Variants in DAB1 observed in about 807,000 individuals in gnomAD.
DAB1 encodes the protein disabled homolog 1.
In DAB1, 15 loss-of-function variants were observed where a neutral mutation model predicts 64.6. That is an observed-to-expected ratio of 0.23 (90% CI 0.16 to 0.36). The LOEUF (loss-of-function observed/expected upper bound fraction) is 0.36, where lower values mean the gene tolerates loss of function less well. DAB1 is among the 10% of genes least tolerant of loss of function. DAB1 has a pLI of 1.00. For synonymous variants in DAB1, 235 were observed against 251.9 expected (o/e 0.93, Z 0.64); for missense variants, 596 against 706.7 (o/e 0.84, Z 1.78).
At chr1:57,839,176 T>C (rs1652942155) in intron 1 of DAB1, among the ~76,000 whole-genome samples, 1 of 152,102 alleles carries the variant, frequency 6.6e-6, no homozygotes, top group African/African-American at 2.4e-5. Context: ...CTAGAAACCT[T>C]AGGCCTAGAA....
intron 1 of DAB1, among the ~76,000 whole-genome samples, chr1:58,528,342 G>A (rs1557454521): frequency 6.6e-6 from 1 of 152,154 alleles, no homozygotes; most frequent in South Asian, 2.1e-4. Flanking sequence ...AAACCCAGTA[G>A]TATCATATGT....
At chr1:57,230,266 G>A (rs189386875) in intron 2 of DAB1, among the ~76,000 whole-genome samples, 5 of 148,042 alleles carry the variant, frequency 3.4e-5, no homozygotes, top group African/African-American at 7.4e-5. Context: ...CAACATTGGC[G>A]ATGTGCAAAA....
chr1:57,436,673 C>T (rs1441254152), intron 7 of DAB1, among the ~76,000 whole-genome samples: 1 of 152,204 alleles, frequency 6.6e-6, no homozygotes, highest in African/African-American at 2.4e-5. Flanking sequence ...AAGATGGATG[C>T]ACCCTCTACA....
At chr1:58,112,085 T>C (rs1331198766) in intron 5 of DAB1, among the ~76,000 whole-genome samples, 2 of 152,114 alleles carry the variant, frequency 1.3e-5, no homozygotes, top group Non-Finnish European at 2.9e-5. Flanking sequence ...CTGTCCAGCA[T>C]TCTCCACCCT....
chr1:57,695,269 G>A (rs11207094), intron 6 of DAB1, among the ~76,000 whole-genome samples: 2,538 of 70,620 alleles, frequency 0.036, 692 homozygotes, highest in African/African-American at 0.097. Context: ...AGGAAGGAAG[G>A]AAGGAAGGAA....
intron 3 of DAB1, among the ~76,000 whole-genome samples, chr1:58,490,795 C>CTTTTTTTTT (rs148145860): frequency 6.7e-5 from 4 of 59,272 alleles, no homozygotes; most frequent in South Asian, 9.7e-4. Context: ...AGTCAACATT[C>CTTTTTTTTT]TTTTTTTTTT....
intron 2 of DAB1, among the ~76,000 whole-genome samples, chr1:57,262,973 G>A (rs1310621795): frequency 6.6e-6 from 1 of 152,182 alleles, no homozygotes; most frequent in Non-Finnish European, 1.5e-5. Context: ...TAAGGGTGTG[G>A]TGGTATAAGG....
intron 5 of DAB1, among the ~76,000 whole-genome samples, chr1:57,965,305 G>C (rs1170082548): frequency 6.6e-6 from 1 of 152,072 alleles, no homozygotes; most frequent in Admixed American, 6.5e-5. Context: ...AATAGGATTG[G>C]GTGAATTGAA....
chr1:57,393,312 T>G (rs1682539185), intron 1 of DAB1, among the ~76,000 whole-genome samples: 1 of 152,192 alleles, frequency 6.6e-6, no homozygotes, highest in Non-Finnish European at 1.5e-5. Context: ...AAATAATTTT[T>G]GGTTTTTTCA....
chr1:57,367,940 C>A (rs999126101), intron 1 of DAB1, among the ~76,000 whole-genome samples: 1 of 152,192 alleles, frequency 6.6e-6, no homozygotes, highest in African/African-American at 2.4e-5. Flanking sequence ...CAGCTGCAGC[C>A]GCCCAAACCA....
intron 3 of DAB1, among the ~76,000 whole-genome samples, chr1:58,351,318 CAA>C (rs1644054017): frequency 6.6e-6 from 1 of 152,080 alleles, no homozygotes; most frequent in Non-Finnish European, 1.5e-5. Context: ...CCACTACTTT[CAA>C]AGAGTCAAAT....
rs1217773692 is a variant in DAB1 at position 58,460,798 on chromosome 1, C to A, written n.257+45262G>T. On this transcript the variant is annotated intron_variant and non_coding_transcript_variant, in intron 3 of 20. Transcript: ENST00000485760. ...CAATTTAGATATTTAAATTTAAAAT[C>A]TATGAAGGTTTACTAAGATGCAATT... Among the ~76,000 whole-genome samples the A allele has an allele frequency of 3.3e-5, 5 of 152,090 alleles. 1 individual carries two copies. The highest frequency in any genetic ancestry group is 4.1e-4 in the South Asian group (2 of 4,820).
chr1:57,749,431 A>G (rs1648448170), intron 6 of DAB1, among the ~76,000 whole-genome samples: 2 of 152,252 alleles, frequency 1.3e-5, no homozygotes, highest in Admixed American at 6.5e-5. Context: ...TTTTAAATTC[A>G]TGGTATTTCA....
At chr1:58,456,179 T>C (rs1305567015) in intron 3 of DAB1, among the ~76,000 whole-genome samples, 1 of 152,232 alleles carries the variant, frequency 6.6e-6, no homozygotes, top group African/African-American at 2.4e-5. Context: ...TAAGGGAAGG[T>C]CAAATGAGGG....
chr1:57,677,651 A>T (rs1169074975), intron 6 of DAB1, among the ~76,000 whole-genome samples: 1 of 152,196 alleles, frequency 6.6e-6, no homozygotes, highest in Non-Finnish European at 1.5e-5. Flanking sequence ...TAGCTGAGAT[A>T]CTCTGAACGA....
chr1:57,599,846 C>G (rs1380158534), intron 7 of DAB1, among the ~76,000 whole-genome samples: 1 of 152,164 alleles, frequency 6.6e-6, no homozygotes, highest in Admixed American at 6.5e-5. Context: ...GCTCAGATAG[C>G]TCCTCCTGAC....
chr1:57,911,518 T>G (rs1190258165), intron 5 of DAB1, among the ~76,000 whole-genome samples: 2 of 152,128 alleles, frequency 1.3e-5, no homozygotes, highest in East Asian at 3.9e-4. Context: ...GCCTCTTCCT[T>G]GATCCCAGGC....
rs570039464 is a variant in DAB1 at position 57,475,735 on chromosome 1, C to T, written n.625+173857G>A. ...CAGGCCTTTCACTGCTAGATGTTAC[C>T]GGCCAACGCCATCCTCTAAATACCT... On this transcript the variant is annotated intron_variant and non_coding_transcript_variant, in intron 7 of 20. Coordinates refer to the DAB1 transcript ENST00000485760. Among the ~76,000 whole-genome samples, 12 of 152,300 alleles carry T rather than the reference C, an allele frequency of 7.9e-5. No homozygotes were observed. The South Asian group carries it at 1.0e-3, about 13-fold the overall frequency.
intron 5 of DAB1, among the ~76,000 whole-genome samples, chr1:58,007,116 C>T (rs1236130562): frequency 6.6e-6 from 1 of 152,154 alleles, no homozygotes; most frequent in Non-Finnish European, 1.5e-5. Flanking sequence ...AATTCAAGCG[C>T]TTTCTTTTAT....
Sources: gnomAD v4.1 joint callset for allele counts (sites outside exome capture counted in the v4.1 genomes callset) on GRCh38, gnomAD v4.1.1 for gene constraint, MANE v1.5 for transcripts, NCBI Gene and HGNC (gene_info 2026-07-23, HGNC 2026-07-21) for gene names.